The following GRAMD4 variants were observed in gnomAD, a reference collection of about 807,000 sequenced individuals.
GRAMD4 encodes the protein GRAM domain-containing protein 4.
In GRAMD4, 25 loss-of-function variants were observed where a neutral mutation model predicts 83.9. The observed-to-expected ratio is 0.30, with a 90% CI of 0.22 to 0.42. GRAMD4 has a LOEUF of 0.42. Ranked by LOEUF, GRAMD4 falls within the 10% of genes least tolerant of loss-of-function variation. The pLI, the probability that GRAMD4 is intolerant of heterozygous loss-of-function variation, is 1.00. For synonymous variants in GRAMD4, 336 were observed against 320.9 expected (o/e 1.05, Z -0.50); for missense variants, 593 against 788.7 (o/e 0.75, Z 2.97).
chr22:46,675,927 G>A (rs756263342), intron 17 of GRAMD4, among the ~76,000 whole-genome samples: 1 of 152,346 alleles, frequency 6.6e-6, no homozygotes, highest in African/African-American at 2.4e-5. Flanking sequence ...TCAGATGGTC[G>A]CGCCCGCTCT....
At chr22:46,654,742 T>TC (rs982114612) in intron 3 of GRAMD4, among the ~76,000 whole-genome samples, 30 of 152,136 alleles carry the variant, frequency 2.0e-4, no homozygotes, top group African/African-American at 6.8e-4. Flanking sequence ...CACTCTCCCT[T>TC]CCCCACATCT....
chr22:46,620,669 T>C lies in GRAMD4; in HGVS notation c.-50+104T>C. The C allele has an allele frequency of 1.1e-5, 3 of 276,828 alleles. No individual in the cohort carries two copies. The highest frequency in any genetic ancestry group is 1.7e-5 in the Non-Finnish European group (3 of 181,262). The allele number at this position is 276,828 out of a possible 1,614,324, so 17.1% of individuals were successfully genotyped here. On this transcript the variant is annotated intron_variant, in intron 1 of 18. Transcript: ENST00000406902. This position sits in a 1 kb window ranked among gnomAD's most constrained non-coding sequence, Gnocchi z 4.7. The stretch of plus-strand genomic sequence containing the variant: ...TACTCTCTGGGGCAGTGGTCCCAGC[T>C]ACCACGTGCTCTTCTGGAGCCATCT...
At chr22:46,627,496 G>C (rs1235204974) in intron 2 of GRAMD4, among the ~76,000 whole-genome samples, 4 of 152,252 alleles carry the variant, frequency 2.6e-5, no homozygotes, top group Non-Finnish European at 4.4e-5. Context: ...TGGGAGCCAG[G>C]TGGGGAGCCA....
intron 3 of GRAMD4, among the ~76,000 whole-genome samples, chr22:46,655,349 G>T (rs921008837): frequency 6.6e-6 from 1 of 152,134 alleles, no homozygotes; most frequent in East Asian, 1.9e-4. Context: ...AGTTCTAAGC[G>T]GGAAAGCAAC....
At chr22:46,627,049 G>A (rs924063976) in intron 2 of GRAMD4, 88 bp downstream of exon 2, 12 of 893,088 alleles carry the variant, frequency 1.3e-5, no homozygotes, top group South Asian at 2.9e-5. Context: ...AGGCAGATTC[G>A]TGTCCTGCCC....
Position 46,679,032 on chromosome 22 carries a change from G to C in GRAMD4, c.*1781G>C, listed in dbSNP as rs2082639156. 1.0e-6 allele frequency: 1 copy of C among 985,594 alleles called. No individual in the cohort carries two copies. Among genetic ancestry groups the C allele is most frequent in the South Asian group, 4.7e-5 (1 of 21,292 alleles). The allele number at this position is 985,594 out of a possible 1,614,324, so 61.1% of individuals were successfully genotyped here. A position where few individuals can be genotyped will look rare whatever the true frequency, so the allele number is the denominator to read the frequency against. ...GGCTCTCTTGGTGCACCAGGGGAGG[G>C]GGACATATCCCAGTGAACCCCACCT... On this transcript the variant is annotated 3_prime_UTR_variant, in exon 19 of 19. Coordinates refer to ENST00000406902, the MANE Select transcript of GRAMD4 (RefSeq NM_015124.5).
chr22:46,639,662 CAGT>C (rs1383959052), intron 3 of GRAMD4, among the ~76,000 whole-genome samples: 1 of 150,638 alleles, frequency 6.6e-6, no homozygotes, highest in African/African-American at 2.4e-5. Context: ...CCGTGTGCAG[CAGT>C]ATTACCGTGT....
At position 46,633,996 on chromosome 22, in the gene GRAMD4, C is replaced by T. The variant is rs562460956; in HGVS notation, c.163-3844C>T. Reference sequence around the variant, plus strand: ...ACTCCTGGGCCACCCTCAGGCCTGTCTCACCCCCGGGTGCCTGTGCTCTCA... The same window carrying T: ...ACTCCTGGGCCACCCTCAGGCCTGTTTCACCCCCGGGTGCCTGTGCTCTCA... On this transcript the variant is annotated intron_variant, in intron 2 of 18. Coordinates refer to ENST00000406902, the MANE Select transcript of GRAMD4 (RefSeq NM_015124.5). Among the ~76,000 whole-genome samples, 434 of 152,352 alleles carry T rather than the reference C, an allele frequency of 2.8e-3. 3 individuals are homozygous for T. The highest frequency in any genetic ancestry group is 9.9e-3 in the African/African-American group (410 of 41,578).
chr22:46,628,588 G>A (rs1242086581), intron 2 of GRAMD4, among the ~76,000 whole-genome samples: 1 of 148,760 alleles, frequency 6.7e-6, no homozygotes, highest in African/African-American at 2.5e-5. Flanking sequence ...GGTGGACTGA[G>A]TGTGTGCGTG....
chr22:46,632,035 G>T (rs1035507577), intron 2 of GRAMD4, among the ~76,000 whole-genome samples: 1 of 152,212 alleles, frequency 6.6e-6, no homozygotes, highest in Non-Finnish European at 1.5e-5. Flanking sequence ...ATCTCTGGCC[G>T]CTGTCACCAA....
intron 13 of GRAMD4, chr22:46,670,944 T>C: frequency 3.7e-6 from 1 of 269,964 alleles, no homozygotes; most frequent in Admixed American, 3.9e-5. Flanking sequence ...GTTTGGGTTC[T>C]CACAACCACC....
chr22:46,643,151 C>CCATGCATCCATCCATGCATGCATG (rs2082006917), intron 3 of GRAMD4, among the ~76,000 whole-genome samples: 4 of 5,740 alleles, frequency 7.0e-4, no homozygotes, highest in Non-Finnish European at 4.4e-4. Context: ...TTCCATCCAT[C>CCATGCATCCATCCATGCATGCATG]CATCCATCCA....
intron 3 of GRAMD4, among the ~76,000 whole-genome samples, chr22:46,639,153 A>AGTGTGTGTGTGTGTGT (rs3081630): frequency 2.7e-5 from 4 of 149,620 alleles, no homozygotes; most frequent in Non-Finnish European, 5.9e-5. Context: ...TGTGTGCGTG[A>AGTGTGTGTGTGTGTGT]GTGTGTGTGT....
At chr22:46,679,789 T>C (rs539320234), downstream of GRAMD4, 2 of 984,510 alleles carry the variant, frequency 2.0e-6, no homozygotes, top group South Asian at 9.4e-5. Context: ...GTGCTAAGGC[T>C]CAGGGCTGTC....
intron 5 of GRAMD4, 39 bp downstream of exon 5, chr22:46,661,481 G>C (rs774806015): frequency 1.5e-6 from 2 of 1,322,438 alleles, no homozygotes; most frequent in Middle Eastern, 1.8e-4. Flanking sequence ...AGGCGGGCGG[G>C]TGGGTGGCTG....
At chr22:46,625,140 G>A (rs997189251) in intron 1 of GRAMD4, among the ~76,000 whole-genome samples, 6 of 152,176 alleles carry the variant, frequency 3.9e-5, no homozygotes, top group Non-Finnish European at 8.8e-5. Context: ...AATTACAGGC[G>A]TGAGCCACCG....
chr22:46,668,619 C>T, intron 11 of GRAMD4, 70 bp from the exon 12 acceptor site: 11 of 1,442,750 alleles, frequency 7.6e-6, no homozygotes, highest in African/African-American at 2.8e-5. Flanking sequence ...TGGAGGCCCT[C>T]CTGGCGTCGC....
chr22:46,638,083 C>G, intron 3 of GRAMD4, 123 bp downstream of exon 3: 3 of 1,039,126 alleles, frequency 2.9e-6, no homozygotes, highest in Middle Eastern at 5.3e-4. Flanking sequence ...CATCGCTGGA[C>G]ACGAGCCCTG....
intron 2 of GRAMD4, among the ~76,000 whole-genome samples, chr22:46,628,207 G>C (rs970297884): frequency 1.3e-5 from 2 of 152,214 alleles, no homozygotes; most frequent in Non-Finnish European, 2.9e-5. Context: ...AGGCCAGAGC[G>C]GGGCTGTTTC....
Sources: gnomAD v4.1 joint callset for allele counts (sites outside exome capture counted in the v4.1 genomes callset) on GRCh38, gnomAD v4.1.1 for gene constraint, Gnocchi (gnomAD v3.1) non-coding constraint, MANE v1.5 for transcripts, NCBI Gene and HGNC (gene_info 2026-07-23, HGNC 2026-07-21) for gene names.